The following FGF12 variants were observed in gnomAD, a reference collection of about 807,000 sequenced individuals.
FGF12 encodes fibroblast growth factor 12B.
Under a neutral mutation model 23.6 loss-of-function variants are expected in FGF12, and 14 were observed. That is an observed-to-expected ratio of 0.59 (90% CI 0.39 to 0.93). The LOEUF is 0.93. FGF12 is among the 40% of genes least tolerant of loss of function. The pLI is 0.00. For missense variants in FGF12, 175 were observed against 217.8 expected (o/e 0.80, Z 1.24); for synonymous variants, 62 against 77.3 (o/e 0.80, Z 1.04).
intron 2 of FGF12, among the ~76,000 whole-genome samples, chr3:192,650,742 G>T (rs1716184819): frequency 6.6e-6 from 1 of 152,114 alleles, no homozygotes; most frequent in Non-Finnish European, 1.5e-5. Context: ...GAATGAAACA[G>T]CATCTCTTCA....
intron 2 of FGF12, among the ~76,000 whole-genome samples, chr3:192,398,299 T>C (rs1560099088): frequency 6.6e-6 from 1 of 152,200 alleles, no homozygotes; most frequent in East Asian, 1.9e-4. Context: ...GTGTTTCATG[T>C]TCCCAGTCAC....
chr3:192,321,498 A>G (rs1002856774), intron 4 of FGF12, among the ~76,000 whole-genome samples: 2 of 150,150 alleles, frequency 1.3e-5, no homozygotes, highest in Non-Finnish European at 3.0e-5. Context: ...AGACATTCAA[A>G]AAAAAAAAAA....
chr3:192,485,400 T>A (rs1394487401), intron 2 of FGF12, among the ~76,000 whole-genome samples: 1 of 152,288 alleles, frequency 6.6e-6, no homozygotes, highest in East Asian at 1.9e-4. Context: ...AAGTTAAATA[T>A]TAATGCTTCG....
intron 2 of FGF12, among the ~76,000 whole-genome samples, chr3:192,627,295 T>C (rs966804033): frequency 4.6e-5 from 7 of 152,064 alleles, no homozygotes; most frequent in African/African-American, 1.2e-4. Flanking sequence ...TTAACAAATA[T>C]AGTTGGAAAA....
intron 4 of FGF12, among the ~76,000 whole-genome samples, chr3:192,240,503 T>C (rs1719559525): frequency 6.6e-6 from 1 of 152,206 alleles, no homozygotes; most frequent in Admixed American, 6.5e-5. Flanking sequence ...ACTTAGCTGT[T>C]ATATGCAAAA....
At chr3:192,334,719 T>C (rs73068509) in intron 4 of FGF12, among the ~76,000 whole-genome samples, 2 of 152,156 alleles carry the variant, frequency 1.3e-5, no homozygotes, top group South Asian at 2.1e-4. Flanking sequence ...GTGTCCAACA[T>C]GCTCATTTGA....
chr3:192,518,516 ATATT>A (rs1169997869), intron 2 of FGF12, among the ~76,000 whole-genome samples: 2 of 152,192 alleles, frequency 1.3e-5, no homozygotes, highest in African/African-American at 4.8e-5. Context: ...ATTAATCAGT[ATATT>A]TATCTGTTTG....
At chr3:192,545,157 C>T (rs1385074682) in intron 2 of FGF12, among the ~76,000 whole-genome samples, 3 of 152,186 alleles carry the variant, frequency 2.0e-5, no homozygotes, top group African/African-American at 7.2e-5. Context: ...GTGCCAACTA[C>T]AACTGCCTGG....
chr3:192,201,511 A>G (rs1304830380), intron 4 of FGF12, among the ~76,000 whole-genome samples: 1 of 152,202 alleles, frequency 6.6e-6, no homozygotes, highest in Non-Finnish European at 1.5e-5. Flanking sequence ...ATCTCCATGC[A>G]GTAAGCCCAG....
chr3:192,675,888 G>C (rs1717309779), intron 2 of FGF12, among the ~76,000 whole-genome samples: 1 of 152,174 alleles, frequency 6.6e-6, no homozygotes, highest in South Asian at 2.1e-4. Flanking sequence ...CATTGGCTGT[G>C]AATACTTAGC....
chr3:192,630,554 A>T (rs1418180731), intron 2 of FGF12, among the ~76,000 whole-genome samples: 1 of 140,346 alleles, frequency 7.1e-6, no homozygotes, highest in South Asian at 2.2e-4. Flanking sequence ...AAAAAATTCA[A>T]TTTTTTTTTT....
chr3:192,652,626 A>G (rs1716255934), intron 2 of FGF12, among the ~76,000 whole-genome samples: 1 of 152,186 alleles, frequency 6.6e-6, no homozygotes, highest in African/African-American at 2.4e-5. Context: ...AACTTGTGAG[A>G]AATACAAATT....
intron 2 of FGF12, among the ~76,000 whole-genome samples, chr3:192,602,736 A>C (rs951955544): frequency 4.7e-5 from 7 of 149,462 alleles, no homozygotes; most frequent in African/African-American, 9.8e-5. Context: ...AAAAAAAAAA[A>C]CACAGAAAAA....
At chr3:192,539,705 A>G (rs976857137) in intron 2 of FGF12, among the ~76,000 whole-genome samples, 2 of 151,984 alleles carry the variant, frequency 1.3e-5, no homozygotes, top group Admixed American at 1.3e-4. Context: ...TATTTTTCTG[A>G]ATAGTTTTAG....
intron 2 of FGF12, among the ~76,000 whole-genome samples, chr3:192,462,996 A>G (rs949913059): frequency 2.6e-5 from 4 of 152,192 alleles, no homozygotes; most frequent in African/African-American, 9.7e-5. Flanking sequence ...TATTGTGTCA[A>G]GTGAAAAGAG....
At position 192,360,385 on chromosome 3, in the gene FGF12, C is replaced by T. The variant is rs773886826; in HGVS notation, c.124+43G>A. On this transcript the variant is annotated intron_variant, in intron 3 of 5. Coordinates refer to ENST00000445105, the MANE Select transcript of FGF12 (RefSeq NM_004113.6). The surrounding 1 kb of genome is among the most constrained non-coding windows in gnomAD (Gnocchi z 4.3). ...TAAGTATAAGATACACTGGGCCCTACATTTGATTTGTAATCAGATTGTAAG... is the reference window on the plus strand; with the variant it reads ...TAAGTATAAGATACACTGGGCCCTATATTTGATTTGTAATCAGATTGTAAG... The T allele has an allele frequency of 2.2e-6, 3 of 1,360,974 alleles. No individual in the cohort carries two copies. The highest frequency in any genetic ancestry group is 2.1e-6 in the Non-Finnish European group (2 of 949,832). The allele number at this position is 1,360,974 out of a possible 1,614,324, so 84.3% of individuals were successfully genotyped here. A position where few individuals can be genotyped will look rare whatever the true frequency, so the allele number is the denominator to read the frequency against.
chr3:192,637,556 A>G (rs1238393437), intron 2 of FGF12, among the ~76,000 whole-genome samples: 1 of 152,142 alleles, frequency 6.6e-6, no homozygotes. Context: ...TCTCTGTTAA[A>G]TGGACCATAG....
intron 2 of FGF12, among the ~76,000 whole-genome samples, chr3:192,569,817 G>A (rs189392892): frequency 1.3e-5 from 2 of 152,302 alleles, no homozygotes; most frequent in East Asian, 3.9e-4. Flanking sequence ...TTATCCTAAT[G>A]ATAACAGGGA....
At chr3:192,675,965 G>C (rs760859874) in intron 2 of FGF12, among the ~76,000 whole-genome samples, 11 of 152,142 alleles carry the variant, frequency 7.2e-5, no homozygotes, top group Non-Finnish European at 1.2e-4. Context: ...CAGGTGGTCA[G>C]ACTCACTCAG....
Sources: allele counts gnomAD v4.1 joint callset (sites outside exome capture counted in the v4.1 genomes callset), GRCh38; gene constraint gnomAD v4.1.1; non-coding constraint Gnocchi (gnomAD v3.1); transcripts MANE v1.5; gene names NCBI Gene and HGNC (gene_info 2026-07-23, HGNC 2026-07-21).